Variants in MMS22L observed in about 807,000 individuals in gnomAD.
MMS22L encodes the protein MMS22 like, DNA repair protein, also known as protein MMS22-like.
Under a neutral mutation model 159.1 loss-of-function variants are expected in MMS22L, and 74 were observed. The observed-to-expected ratio is 0.47, with a 90% confidence interval of 0.39 to 0.56. MMS22L has a LOEUF of 0.56. Ranked by LOEUF, MMS22L falls within the 20% of genes least tolerant of loss-of-function variation. MMS22L has a pLI of 0.00. For missense variants in MMS22L, 1,351 were observed against 1,422.1 expected (o/e 0.95, Z 0.80); for synonymous variants, 517 against 506.9 (o/e 1.02, Z -0.27).
rs1800717269 is a variant in MMS22L at position 97,143,143 on chromosome 6, C to A, written c.*3663G>T. On this transcript the variant is annotated 3_prime_UTR_variant, in exon 25 of 25. Coordinates refer to ENST00000683635, the MANE Select transcript of MMS22L (RefSeq NM_001350599.2). Reference sequence around the variant, plus strand: ...TAAAGTCCTTTCATCACTCTGTTGTCCTTCAGTTGTCTTTTATACTCTATC... The same window carrying A: ...TAAAGTCCTTTCATCACTCTGTTGTACTTCAGTTGTCTTTTATACTCTATC... 6.6e-6 allele frequency: 1 copy of A among 152,338 alleles called. No homozygotes were observed. The highest frequency in any genetic ancestry group is 2.4e-5 in the African/African-American group (1 of 41,434). The allele number at this position is 152,338 out of a possible 1,614,324, so 9.4% of individuals were successfully genotyped here.
intron 21 of MMS22L, among the ~76,000 whole-genome samples, chr6:97,163,443 TA>T (rs569698582): frequency 1.7e-4 from 26 of 150,456 alleles, no homozygotes; most frequent in Middle Eastern, 6.8e-3. Context: ...TCCTGAGTAT[TA>T]AAAAAAAAGC....
chr6:97,186,731 G>T, intron 14 of MMS22L, 41 bp from the exon 15 acceptor site: 1 of 1,351,820 alleles, frequency 7.4e-7, no homozygotes, highest in South Asian at 1.9e-5. Context: ...CTTAATAAAT[G>T]CTTACAAAAA....
chr6:97,245,890 CAT>C (rs1246759483), intron 11 of MMS22L: 43,401 of 121,080 alleles, frequency 0.36, 8,213 homozygotes, highest in Non-Finnish European at 0.45. Flanking sequence ...CACACACACA[CAT>C]ATAAAGCAAT....
intron 24 of MMS22L, among the ~76,000 whole-genome samples, chr6:97,149,586 G>A (rs1482169176): frequency 1.3e-5 from 2 of 152,160 alleles, no homozygotes; most frequent in Non-Finnish European, 2.9e-5. Context: ...AGCAACAGCA[G>A]CACTGCTGAA....
At chr6:97,235,664 G>A (rs781097452) in intron 11 of MMS22L, among the ~76,000 whole-genome samples, 6 of 152,140 alleles carry the variant, frequency 3.9e-5, no homozygotes, top group African/African-American at 1.2e-4. Context: ...AGTCATTGAC[G>A]GCCTTCCCAG....
At chr6:97,212,718 T>C (rs901699318) in intron 14 of MMS22L, among the ~76,000 whole-genome samples, 8 of 152,206 alleles carry the variant, frequency 5.3e-5, no homozygotes, top group Non-Finnish European at 1.0e-4. Flanking sequence ...TTGTAACATT[T>C]TGAAAAATAC....
intron 11 of MMS22L, among the ~76,000 whole-genome samples, chr6:97,235,699 T>A (rs1562490317): frequency 6.6e-6 from 1 of 152,114 alleles, no homozygotes; most frequent in Non-Finnish European, 1.5e-5. Context: ...TGATGAAGAC[T>A]ATGATGAAGA....
intron 22 of MMS22L, among the ~76,000 whole-genome samples, chr6:97,160,542 C>A (rs1802334522): frequency 6.6e-6 from 1 of 151,696 alleles, no homozygotes; most frequent in Non-Finnish European, 1.5e-5. Context: ...ATTTTCTTTG[C>A]CTTTAGCTTT....
intron 22 of MMS22L, among the ~76,000 whole-genome samples, chr6:97,153,374 T>G (rs1396849524): frequency 1.6e-5 from 2 of 126,902 alleles, no homozygotes; most frequent in Non-Finnish European, 3.4e-5. Context: ...CTTTTTTTTT[T>G]TTTTTTTTTT....
At chr6:97,192,147 G>C (rs1241133460) in intron 14 of MMS22L, among the ~76,000 whole-genome samples, 1 of 151,136 alleles carries the variant, frequency 6.6e-6, no homozygotes, top group African/African-American at 2.4e-5. Flanking sequence ...ATGTGGAGGA[G>C]GGGGTAAGTA....
At position 97,266,061 on chromosome 6, in the gene MMS22L, A is replaced by C. The variant is rs1311862623; in HGVS notation, c.828+1811T>G. On this transcript the variant is annotated intron_variant, in intron 8 of 24. Transcript: ENST00000683635. Reference sequence around the variant, plus strand: ...AGACATACAAATGGGCAAGCAGTACATGAAAAATGCTCAACGTCACTACTC... The same window carrying C: ...AGACATACAAATGGGCAAGCAGTACCTGAAAAATGCTCAACGTCACTACTC... 3.9e-5 allele frequency: 6 copies of C among 152,194 alleles called. No individual in the cohort carries two copies. The East Asian group carries it at 7.7e-4, about 20-fold the overall frequency. The allele number at this position is 152,194 out of a possible 1,614,324, so 9.4% of individuals were successfully genotyped here.
intron 10 of MMS22L, among the ~76,000 whole-genome samples, chr6:97,252,960 T>G (rs1813398538): frequency 6.6e-6 from 1 of 152,184 alleles, no homozygotes; most frequent in Non-Finnish European, 1.5e-5. Flanking sequence ...ACTACTATAG[T>G]AATAATGGCA....
At chr6:97,157,302 C>T (rs999870282) in intron 22 of MMS22L, among the ~76,000 whole-genome samples, 9 of 152,132 alleles carry the variant, frequency 5.9e-5, no homozygotes, top group South Asian at 2.1e-4. Flanking sequence ...TAACTGAATA[C>T]GCTTTATGGC....
intron 11 of MMS22L, among the ~76,000 whole-genome samples, chr6:97,238,360 A>G (rs1811650392): frequency 1.3e-5 from 2 of 152,158 alleles, no homozygotes; most frequent in Admixed American, 1.3e-4. Flanking sequence ...CCTTAAGATG[A>G]TACATATCAA....
At chr6:97,180,307 T>G (rs1487275532) in intron 16 of MMS22L, among the ~76,000 whole-genome samples, 2 of 152,132 alleles carry the variant, frequency 1.3e-5, no homozygotes, top group Non-Finnish European at 2.9e-5. Context: ...TTCACCGTGT[T>G]AGCCAGGATG....
intron 10 of MMS22L, among the ~76,000 whole-genome samples, chr6:97,247,477 C>G (rs1309045441): frequency 3.3e-5 from 5 of 152,084 alleles, no homozygotes; most frequent in Non-Finnish European, 5.9e-5. Flanking sequence ...ACCTATAATC[C>G]CAGCACTTTG....
rs756433862 is a variant in MMS22L at position 97,282,300 on chromosome 6, T to C, written c.164+14A>G. 3.7e-6 allele frequency: 6 copies of C among 1,611,754 alleles called. No homozygotes were observed. In the Admixed American group the frequency reaches 1.0e-4, roughly 27 times the overall value. ...ATAATCAGATGAGGGAAAATGTCTC[T>C]GAGTTTTACCTACCGCTTAAGGGCT... On this transcript the variant is annotated intron_variant, in intron 2 of 24. Coordinates refer to ENST00000683635, the MANE Select transcript of MMS22L (RefSeq NM_001350599.2).
chr6:97,187,448 T>C (rs1805368609), intron 14 of MMS22L, among the ~76,000 whole-genome samples: 1 of 152,214 alleles, frequency 6.6e-6, no homozygotes, highest in South Asian at 2.1e-4. Context: ...AAGGCATTTA[T>C]GTTGTGCACC....
chr6:97,233,838 A>G, intron 12 of MMS22L, 23 bp downstream of exon 12: 2 of 1,566,950 alleles, frequency 1.3e-6, no homozygotes, highest in Non-Finnish European at 1.7e-6. Context: ...TTCCTGGAGC[A>G]AATTCCTATT....
Sources: allele counts gnomAD v4.1 joint callset (sites outside exome capture counted in the v4.1 genomes callset), GRCh38; gene constraint gnomAD v4.1.1; transcripts MANE v1.5; gene names NCBI Gene and HGNC (gene_info 2026-07-23, HGNC 2026-07-21).